MFSD1: variants seen among roughly 807,000 people sequenced by gnomAD.
MFSD1 encodes the protein major facilitator superfamily domain containing 1, also known as lysosomal dipeptide transporter MFSD1.
Under a neutral mutation model 67.1 loss-of-function variants are expected in MFSD1, and 59 were observed. The observed-to-expected ratio is 0.88, with a 90% CI of 0.71 to 1.09. MFSD1 has a LOEUF of 1.09. Ranked by LOEUF, MFSD1 falls within the 50% of genes least tolerant of loss-of-function variation. The pLI, the probability that MFSD1 is intolerant of heterozygous loss-of-function variation, is 0.00. For synonymous variants in MFSD1, 213 were observed against 200.3 expected (o/e 1.06, Z -0.54); for missense variants, 552 against 566.1 (o/e 0.97, Z 0.25).
chr3:158,814,082 T>C lies in MFSD1; in HGVS notation c.652+15T>C. On this transcript the variant is annotated intron_variant, in intron 7 of 15. Transcript: ENST00000415822. ...ACTTATGATTGGTGAGTGAATCCCA[T>C]GTCCCACATCTCTCCTCTTCTGAAG... The C allele has an allele frequency of 1.3e-6, 2 of 1,580,810 alleles. No homozygotes were observed. The highest frequency in any genetic ancestry group is 1.7e-6 in the Non-Finnish European group (2 of 1,150,238).
rs138992951 is a variant in MFSD1 at position 158,818,256 on chromosome 3, G to T, written c.653-1393G>T. On this transcript the variant is annotated intron_variant, in intron 7 of 15. Transcript: ENST00000415822. ...GACACATAATTATACATATTTATGG[G>T]TACAATTTGATGTTTCCATACACAG... is the stretch of plus-strand genomic sequence containing the variant. Among the ~76,000 whole-genome samples the T allele has an allele frequency of 3.4e-3, 520 of 152,076 alleles. 2 individuals carry two copies. Among genetic ancestry groups the T allele is most frequent in the African/African-American group, 0.012 (488 of 41,458 alleles).
In MFSD1 at chr3:158,827,158, G is replaced by A. The variant is rs543422622; in HGVS notation, c.1337-122G>A. 8.0e-5 allele frequency: 47 copies of A among 585,470 alleles called. No individual in the cohort carries two copies. The Middle Eastern group carries it at 1.9e-3, about 24-fold the overall frequency. The allele number at this position is 585,470 out of a possible 1,614,324, so 36.3% of individuals were successfully genotyped here. ...AACCATTACTTTTTCATCGTCGATA[G>A]CTTTTTCTATTACTTAAAATACAGT... On this transcript the variant is annotated intron_variant, in intron 14 of 15. Transcript: ENST00000415822.
intron 11 of MFSD1, chr3:158,822,722 G>T (rs1730741676): frequency 6.5e-6 from 1 of 153,962 alleles, no homozygotes. Flanking sequence ...CAGACTCCTA[G>T]AAGTAGAGAT....
At chr3:158,818,438 G>A (rs1046124868) in intron 7 of MFSD1, among the ~76,000 whole-genome samples, 1 of 151,960 alleles carries the variant, frequency 6.6e-6, no homozygotes, top group African/African-American at 2.4e-5. Context: ...CTGTGCAATA[G>A]AACACCAGAA....
chr3:158,815,340 T>C (rs771269030), intron 7 of MFSD1, among the ~76,000 whole-genome samples: 2 of 145,852 alleles, frequency 1.4e-5, no homozygotes, highest in South Asian at 2.2e-4. Context: ...GTCTCAGTTT[T>C]CTTTTCTTGT....
intron 13 of MFSD1, chr3:158,824,511 G>A (rs1171456680): frequency 3.0e-6 from 1 of 330,734 alleles, no homozygotes; most frequent in African/African-American, 2.1e-5. Flanking sequence ...AATTTGAAGA[G>A]TCCTGAGTAT....
At chr3:158,806,432 A>G (rs1467455545) in intron 3 of MFSD1, among the ~76,000 whole-genome samples, 2 of 152,164 alleles carry the variant, frequency 1.3e-5, no homozygotes, top group Non-Finnish European at 2.9e-5. Context: ...TTTCACAAGG[A>G]TCTTGAGAGA....
intron 14 of MFSD1, among the ~76,000 whole-genome samples, chr3:158,826,794 AACAGCTGGGACTATAGGTGT>A (rs1166554536): frequency 6.6e-6 from 1 of 151,846 alleles, no homozygotes; most frequent in Non-Finnish European, 1.5e-5. Context: ...TAGCCTCCCA[AACAGCTGGGACTATAGGTGT>A]ATGCCACCAC....
intron 15 of MFSD1, 80 bp downstream of exon 15, chr3:158,827,417 G>T: frequency 7.6e-5 from 52 of 685,972 alleles, no homozygotes; most frequent in Non-Finnish European, 9.6e-5. Context: ...TTTGGGCTTT[G>T]AAGTTTTTTT....
intron 9 of MFSD1, among the ~76,000 whole-genome samples, chr3:158,821,109 G>A (rs1005878532): frequency 1.3e-5 from 2 of 152,156 alleles, no homozygotes; most frequent in African/African-American, 4.8e-5. Context: ...TGGGTTCAAA[G>A]CAAATTCTTC....
chr3:158,827,190 A>G (rs1385765829), intron 14 of MFSD1, 90 bp from the exon 15 acceptor site: 1 of 745,132 alleles, frequency 1.3e-6, no homozygotes, highest in Non-Finnish European at 2.2e-6. Flanking sequence ...CAGTGTATCT[A>G]TGCAAATGGT....
In MFSD1 at chr3:158,810,785, A is replaced by G. The variant is rs920878758; in HGVS notation, c.549+1498A>G. 3.3e-5 allele frequency among the ~76,000 whole-genome samples: 5 copies of G among 152,226 alleles called. No individual in the cohort carries two copies. In the South Asian group the frequency reaches 8.3e-4, roughly 25 times the overall value. On this transcript the variant is annotated intron_variant, in intron 6 of 15. Coordinates refer to ENST00000415822, the MANE Select transcript of MFSD1 (RefSeq NM_022736.4). ...ATTATTACTTTTAGAAAATTACTTT[A>G]TCACTTTGATAGGAAACAGCTAAAT... is the stretch of plus-strand genomic sequence containing the variant.
At chr3:158,802,710 G>GT (rs1729520876) in intron 1 of MFSD1, 1 of 389,220 alleles carries the variant, frequency 2.6e-6, no homozygotes, top group Non-Finnish European at 5.0e-6. Flanking sequence ...TGTTTGTTTG[G>GT]TTTTAGGTGA....
Position 158,813,973 on chromosome 3 carries a change from A to T in MFSD1, c.558A>T (p.Thr186=). The T allele has an allele frequency of 6.2e-7, 1 of 1,610,640 alleles. No homozygotes were observed. The highest frequency in any genetic ancestry group is 8.5e-7 in the Non-Finnish European group (1 of 1,177,128). The change falls in exon 7 of 16, where the codon ACA becomes ACT. Residue 186 remains threonine, a synonymous_variant. Coordinates refer to ENST00000415822, the MANE Select transcript of MFSD1 (RefSeq NM_022736.4). ...LQLSMARIGS[T]VNMNLMGWLY... is the part of the protein sequence containing the mutation. ...TTTCCCTTCTCATTTAGGGAAGTAC[A>T]GTAAACATGAACCTCATGGGATGGC... is the stretch of plus-strand genomic sequence containing the variant.
intron 12 of MFSD1, 109 bp from the exon 13 acceptor site, chr3:158,824,015 G>A: frequency 1.2e-6 from 1 of 822,892 alleles, no homozygotes; most frequent in Non-Finnish European, 2.0e-6. Context: ...AAACATCTCT[G>A]AACACAAATA....
chr3:158,811,190 G>A (rs796665625), intron 6 of MFSD1, among the ~76,000 whole-genome samples: 1 of 152,194 alleles, frequency 6.6e-6, no homozygotes, highest in South Asian at 2.1e-4. Context: ...CAACGGAGGC[G>A]CTCAGGATGA....
intron 6 of MFSD1, among the ~76,000 whole-genome samples, chr3:158,809,610 A>G (rs1559916729): frequency 6.6e-6 from 1 of 152,166 alleles, no homozygotes; most frequent in Non-Finnish European, 1.5e-5. Context: ...ACGGCTGTCC[A>G]GGTTCAGTTT....
At chr3:158,827,886 CAGAG>C (rs1250699697) in intron 15 of MFSD1, among the ~76,000 whole-genome samples, 5 of 132,760 alleles carry the variant, frequency 3.8e-5, no homozygotes, top group Non-Finnish European at 7.8e-5. Context: ...CTCTGTGAGA[CAGAG>C]AGAGACACAG....
At chr3:158,824,049 A>G in intron 12 of MFSD1, 75 bp from the exon 13 acceptor site, 2 of 977,692 alleles carry the variant, frequency 2.0e-6, no homozygotes, top group Non-Finnish European at 1.6e-6. Context: ...AGATACTAAT[A>G]TTTATAGTGA....
Sources: gnomAD v4.1 joint callset for allele counts (sites outside exome capture counted in the v4.1 genomes callset) on GRCh38, gnomAD v4.1.1 for gene constraint, MANE v1.5 for transcripts, NCBI Gene and HGNC (gene_info 2026-07-23, HGNC 2026-07-21) for gene names.